The following EPB41L5 variants were observed in gnomAD, a reference collection of about 807,000 sequenced individuals.
EPB41L5 encodes the protein erythrocyte membrane protein band 4.1 like 5.
A neutral mutation model predicts 106.6 loss-of-function variants in EPB41L5; 55 were observed. The ratio of observed to expected loss-of-function variants is 0.52; its 90% CI spans 0.42 to 0.65. The LOEUF is 0.65. Among genes scored for constraint, EPB41L5 ranks in the 30% least tolerant of loss-of-function variants. EPB41L5 has a pLI of 0.00. For missense variants in EPB41L5, 871 were observed against 882.1 expected, an observed-to-expected ratio of 0.99 and a Z score of 0.16; for synonymous variants, 297 against 306.7, an observed-to-expected ratio of 0.97 and a Z score of 0.33.
chr2:120,088,826 T>C (rs995219306), intron 11 of EPB41L5, among the ~76,000 whole-genome samples: 1 of 152,188 alleles, frequency 6.6e-6, no homozygotes, highest in Non-Finnish European at 1.5e-5. Flanking sequence ...TAATGACAAC[T>C]CTGGTTTAGT....
chr2:120,018,314 A>T (rs1232768773), intron 1 of EPB41L5, among the ~76,000 whole-genome samples: 1 of 152,046 alleles, frequency 6.6e-6, no homozygotes. Context: ...AGTGTCTGAC[A>T]TCATCTTGGG....
intron 16 of EPB41L5, chr2:120,107,055 C>T: frequency 2.5e-6 from 1 of 394,998 alleles, no homozygotes; most frequent in Non-Finnish European, 3.4e-6. Context: ...TTATTTATAA[C>T]ACTTGGTTGG....
At chr2:120,147,624 C>CAAA (rs60980401) in intron 20 of EPB41L5, among the ~76,000 whole-genome samples, 31 of 75,418 alleles carry the variant, frequency 4.1e-4, no homozygotes, top group South Asian at 8.7e-4. Flanking sequence ...AACTCTGTCT[C>CAAA]AAAAAAAAAA....
chr2:120,117,620 C>CT (rs1414984214), intron 16 of EPB41L5, among the ~76,000 whole-genome samples: 1 of 152,110 alleles, frequency 6.6e-6, no homozygotes, highest in Non-Finnish European at 1.5e-5. Context: ...TATATGGTAT[C>CT]TAAGTGTGTG....
intron 3 of EPB41L5, among the ~76,000 whole-genome samples, chr2:120,046,545 G>C (rs965753827): frequency 2.7e-5 from 4 of 149,970 alleles, no homozygotes; most frequent in African/African-American, 4.9e-5. Context: ...GTTCTTTGTA[G>C]ATTCTGGATA....
intron 20 of EPB41L5, among the ~76,000 whole-genome samples, chr2:120,153,743 T>C (rs186538402): frequency 6.6e-6 from 1 of 152,338 alleles, no homozygotes; most frequent in African/African-American, 2.4e-5. Context: ...CAATGTATAA[T>C]GTGTCTCTTT....
Position 120,174,895 on chromosome 2 carries a change from C to T in EPB41L5, c.2190C>T (p.Thr730=), listed in dbSNP as rs780520264. Residue 730 remains threonine (T), a synonymous_variant, in exon 25 of 25, where the codon ACC becomes ACT. Coordinates refer to ENST00000263713, the MANE Select transcript of EPB41L5 (RefSeq NM_020909.4). ...TCCTGAAGCAGAAGTGTTTACTGACCACTGAGCTCTGAGGGCCTGTAGCTG... is the reference window on the plus strand; with the variant it reads ...TCCTGAAGCAGAAGTGTTTACTGACTACTGAGCTCTGAGGGCCTGTAGCTG... ...EAVLKQKCLL[T]TEL The T allele has an allele frequency of 6.2e-7, 1 of 1,614,086 alleles. No homozygotes were observed.
chr2:120,079,453 G>A (rs1231729743), intron 10 of EPB41L5, among the ~76,000 whole-genome samples: 1 of 152,078 alleles, frequency 6.6e-6, no homozygotes, highest in Non-Finnish European at 1.5e-5. Context: ...AGGCACTTAA[G>A]CCCCCTCTCA....
chr2:120,137,424 G>A (rs918990085), intron 18 of EPB41L5, among the ~76,000 whole-genome samples: 1 of 151,880 alleles, frequency 6.6e-6, no homozygotes, highest in African/African-American at 2.4e-5. Context: ...AAAATAAAAA[G>A]TTGCTTTGTG....
chr2:120,159,796 A>G lies in EPB41L5; in HGVS notation c.1794-1085A>G, dbSNP rs115221468. On this transcript the variant is annotated intron_variant, in intron 20 of 24. Coordinates refer to ENST00000263713, the MANE Select transcript of EPB41L5 (RefSeq NM_020909.4). ...TTGACAAAGCTGACAGAAACAAGCA[A>G]TGGAGAAAGGCTTCCCTATTCAATA... 8.7e-3 allele frequency among the ~76,000 whole-genome samples: 1,327 copies of G among 152,336 alleles called. 19 individuals carry two copies. Among genetic ancestry groups the G allele is most frequent in the African/African-American group, 0.03 (1,261 of 41,576 alleles).
At chr2:120,073,253 A>G (rs1200525874) in intron 4 of EPB41L5, 33 bp downstream of exon 4, 6 of 1,514,880 alleles carry the variant, frequency 4.0e-6, no homozygotes, top group South Asian at 1.2e-5. Context: ...GTGGGGGGGA[A>G]AGGAAATAGA....
chr2:120,090,503 C>T lies in EPB41L5; in HGVS notation c.1030C>T (p.Arg344Ter), dbSNP rs780039668. The change falls in exon 12 of 25, where the codon CGA (arginine) becomes TGA (stop). Residue 344 changes from arginine (R) to a stop codon, truncating the protein, a stop_gained. Transcript: ENST00000263713. LOFTEE classifies it high-confidence loss of function. ...ATCAGGATTTATTCGACTAGGATCA[C>T]GATTTAGATATAGGTTAATTTTAAT... The part of the protein sequence containing the change: ...HRSGFIRLGS[R>*]FRYSGKTEYQ... The T allele has an allele frequency of 1.9e-6, 3 of 1,611,226 alleles. No homozygotes were observed. The highest frequency in any genetic ancestry group is 1.7e-6 in the Non-Finnish European group (2 of 1,179,056).
At chr2:120,023,929 T>C (rs1678118654) in intron 2 of EPB41L5, among the ~76,000 whole-genome samples, 1 of 152,222 alleles carries the variant, frequency 6.6e-6, no homozygotes, top group Non-Finnish European at 1.5e-5. Context: ...AGGCATTTTA[T>C]TCTCTTTGTA....
chr2:120,159,886 A>G (rs545651139), intron 20 of EPB41L5, among the ~76,000 whole-genome samples: 2 of 152,348 alleles, frequency 1.3e-5, no homozygotes, highest in East Asian at 3.9e-4. Flanking sequence ...CTGTGCAGCC[A>G]TAAAAAAGAA....
chr2:120,116,168 C>G (rs1195094477), intron 16 of EPB41L5, among the ~76,000 whole-genome samples: 2 of 152,118 alleles, frequency 1.3e-5, no homozygotes, highest in Non-Finnish European at 2.9e-5. Flanking sequence ...CATTAAATAC[C>G]AATTTAATGT....
chr2:120,101,934 C>T (rs1320660268), intron 16 of EPB41L5, among the ~76,000 whole-genome samples: 2 of 152,166 alleles, frequency 1.3e-5, no homozygotes, highest in Admixed American at 6.5e-5. Context: ...TCTGGGGACA[C>T]ACTTAAAAGT....
intron 2 of EPB41L5, among the ~76,000 whole-genome samples, chr2:120,037,675 T>C (rs979577316): frequency 1.3e-5 from 2 of 149,830 alleles, no homozygotes; most frequent in Admixed American, 1.3e-4. Flanking sequence ...AAAAGCAGTG[T>C]GTTACTGGCA....
In EPB41L5 at chr2:120,167,559, G is replaced by A. The variant is rs535215981; in HGVS notation, c.2004+52G>A. 8 of 1,538,704 alleles carry A rather than the reference G, an allele frequency of 5.2e-6. No individual in the cohort carries two copies. In the South Asian group the frequency reaches 6.8e-5, roughly 13 times the overall value. ...CTTCTGGCTACCCTTTCAGGGTAAG[G>A]CCTAAAGGATTACTAGGTTCTTTGT... On this transcript the variant is annotated intron_variant, in intron 23 of 24. Coordinates refer to ENST00000263713, the MANE Select transcript of EPB41L5 (RefSeq NM_020909.4).
rs758785346 is a variant in EPB41L5, at chr2:120,042,054, G to C, written c.229G>C (p.Asp77His). The change falls in exon 3 of 25, where the codon GAC (aspartate) becomes CAC (histidine). Residue 77 changes from aspartate to histidine, a missense_variant. Transcript: ENST00000263713. ...GTTTGATCAGATTATGTACCACCTG[G>C]ACCTGATTGAAAGCGACTATTTTGG... ...ELFDQIMYHL[D>H]LIESDYFGLR... 4.3e-6 allele frequency: 7 copies of C among 1,613,582 alleles called. No individual in the cohort carries two copies. Among genetic ancestry groups the C allele is most frequent in the Non-Finnish European group, 5.9e-6 (7 of 1,179,686 alleles).
Sources: allele counts gnomAD v4.1 joint callset (sites outside exome capture counted in the v4.1 genomes callset), GRCh38; gene constraint gnomAD v4.1.1; transcripts MANE v1.5; gene names NCBI Gene and HGNC (gene_info 2026-07-23, HGNC 2026-07-21).